The following MRPL4 variants were observed in gnomAD, a reference collection of about 807,000 sequenced individuals.
MRPL4 encodes the protein large ribosomal subunit protein uL4m.
In MRPL4, 34 loss-of-function variants were observed where a neutral mutation model predicts 34.1. The ratio of observed to expected loss-of-function variants is 1.00; its 90% CI spans 0.76 to 1.33. The LOEUF (loss-of-function observed/expected upper bound fraction) is 1.33, where lower values mean the gene tolerates loss of function less well. Among genes scored for constraint, MRPL4 ranks in the 40% most tolerant of loss-of-function variants. The pLI, the probability that MRPL4 is intolerant of heterozygous loss-of-function variation, is 0.00. For synonymous variants in MRPL4, 196 were observed against 188.3 expected, an observed-to-expected ratio of 1.04 and a Z score of -0.33; for missense variants, 402 against 434.6, an observed-to-expected ratio of 0.92 and a Z score of 0.67.
At chr19:10,254,446 G>T in intron 3 of MRPL4, 143 bp from the exon 4 acceptor site, 1 of 872,892 alleles carries the variant, frequency 1.1e-6, no homozygotes, top group Non-Finnish European at 1.8e-6. Flanking sequence ...CCCTGAGGCA[G>T]AATTTCAAGA....
rs35481360 is a variant in MRPL4 at position 10,259,098 on chromosome 19, C to CAAAAAAAAA, written c.739+432_739+440dup. Reference sequence around the variant, plus strand: ...TGGGGAGAGAGCTAGACTCTTGTCTCAAAAAAAAAAAAAAAAAAAAAAAAA... The same window carrying CAAAAAAAAA: ...TGGGGAGAGAGCTAGACTCTTGTCTCAAAAAAAAAAAAAAAAAAAAAAAAAAAAAAAAAA... On this transcript the variant is annotated intron_variant, in intron 8 of 8. Coordinates refer to ENST00000253099, the MANE Select transcript of MRPL4 (RefSeq NM_015956.3). 459 of 539,804 alleles carry CAAAAAAAAA rather than the reference C, an allele frequency of 8.5e-4. 9 individuals carry two copies. Among genetic ancestry groups the CAAAAAAAAA allele is most frequent in the South Asian group, 1.3e-3 (14 of 10,614 alleles). 33.4% of individuals were successfully genotyped at this position (539,804 alleles called of 1,614,324 possible).
intron 3 of MRPL4, chr19:10,253,020 A>C (rs2039810426): frequency 2.9e-6 from 1 of 340,750 alleles, no homozygotes; most frequent in Admixed American, 4.3e-5. Flanking sequence ...GTGATGAATA[A>C]ATGACTTAAT....
chr19:10,253,699 G>A (rs754165988), intron 3 of MRPL4, among the ~76,000 whole-genome samples: 2 of 151,780 alleles, frequency 1.3e-5, no homozygotes, highest in African/African-American at 2.4e-5. Flanking sequence ...GCTGAGGCAT[G>A]AGAATCGCTT....
intron 4 of MRPL4, 56 bp from the exon 5 acceptor site, chr19:10,256,652 C>T: frequency 6.7e-7 from 1 of 1,495,126 alleles, no homozygotes; most frequent in Non-Finnish European, 9.3e-7. Flanking sequence ...ACTGATCTGC[C>T]CGGCTCCCTG....
intron 5 of MRPL4, 141 bp from the exon 6 acceptor site, chr19:10,258,081 C>G (rs2039868112): frequency 3.2e-6 from 2 of 620,640 alleles, no homozygotes; most frequent in Non-Finnish European, 5.7e-6. Context: ...CCTGATCCAG[C>G]CTCCCCTGAG....
chr19:10,252,798 G>A, intron 3 of MRPL4, 97 bp downstream of exon 3: 1 of 1,467,978 alleles, frequency 6.8e-7, no homozygotes, highest in Non-Finnish European at 9.1e-7. Flanking sequence ...TTGGGAAAGT[G>A]CTGTATTTCT....
rs114409882 is a variant in MRPL4, at chr19:10,259,007, G to A, written c.739+322G>A. ...CCCAGCTACTCGGGGGCTGAGCCAG[G>A]CGGATAGCTTGAGCTCAGGGGGCCA... On this transcript the variant is annotated intron_variant, in intron 8 of 8. Transcript: ENST00000253099. 2,767 of 1,408,894 alleles carry A rather than the reference G, an allele frequency of 2.0e-3. 41 individuals carry two copies. In the African/African-American group the frequency reaches 0.037, roughly 19 times the overall value. The allele number at this position is 1,408,894 out of a possible 1,614,324, so 87.3% of individuals were successfully genotyped here.
chr19:10,259,401 T>G (rs1356218331), intron 8 of MRPL4: 2 of 1,404,876 alleles, frequency 1.4e-6, no homozygotes, highest in Non-Finnish European at 1.8e-6. Context: ...TGGCTCTCGG[T>G]CAGCAGGTGA....
intron 8 of MRPL4, chr19:10,259,221 G>T (rs1041894184): frequency 2.6e-6 from 3 of 1,166,402 alleles, no homozygotes; most frequent in African/African-American, 1.7e-5. Flanking sequence ...CTCAACCCAC[G>T]CCCCTCGCTG....
upstream of MRPL4, chr19:10,252,171 C>T (rs754287030): frequency 1.6e-4 from 225 of 1,437,952 alleles, no homozygotes; most frequent in Non-Finnish European, 1.2e-4. Context: ...GGTAGGGCGG[C>T]GTCGCGTGCG....
intron 5 of MRPL4, 127 bp from the exon 6 acceptor site, chr19:10,258,095 C>T (rs536016343): frequency 4.6e-6 from 3 of 656,078 alleles, no homozygotes; most frequent in East Asian, 2.7e-5. Flanking sequence ...CCCTGAGGCC[C>T]CACCCTCTCT....
chr19:10,259,501 C>A, intron 8 of MRPL4, 116 bp from the exon 9 acceptor site: 1 of 1,493,402 alleles, frequency 6.7e-7, no homozygotes, highest in Admixed American at 2.3e-5. Flanking sequence ...CACAAAGTCA[C>A]ACTAGACCAC....
rs770948484 is a variant in MRPL4, at chr19:10,252,229, C to CT, written c.-25_-24insT. 6.3e-7 allele frequency: 1 copy of CT among 1,585,420 alleles called. No homozygotes were observed. The highest frequency in any genetic ancestry group is 1.1e-5 in the South Asian group (1 of 89,594). On this transcript the variant is annotated 5_prime_UTR_variant, in exon 1 of 9. Coordinates refer to ENST00000253099, the MANE Select transcript of MRPL4 (RefSeq NM_015956.3). Reference sequence around the variant, plus strand: ...GCGAGGCTCCAGTGGCCTTGACCTCCCGCGGCGTGGGAGGCTGCGCGGCGA... The same window carrying CT: ...GCGAGGCTCCAGTGGCCTTGACCTCCTCGCGGCGTGGGAGGCTGCGCGGCGA...
chr19:10,259,098 C>CAAAAAAAAAAAAA lies in MRPL4; in HGVS notation c.739+428_739+440dup, dbSNP rs35481360. On this transcript the variant is annotated intron_variant, in intron 8 of 8. Coordinates refer to ENST00000253099, the MANE Select transcript of MRPL4 (RefSeq NM_015956.3). ...TGGGGAGAGAGCTAGACTCTTGTCT[C>CAAAAAAAAAAAAA]AAAAAAAAAAAAAAAAAAAAAAAAA... The CAAAAAAAAAAAAA allele has an allele frequency of 1.9e-4, 104 of 539,834 alleles. 3 individuals carry two copies. The highest frequency in any genetic ancestry group is 2.0e-4 in the Non-Finnish European group (96 of 477,518). 33.4% of individuals were successfully genotyped at this position (539,834 alleles called of 1,614,324 possible).
intron 4 of MRPL4, 22 bp downstream of exon 4, chr19:10,254,662 G>A (rs1240477752): frequency 1.2e-6 from 2 of 1,613,714 alleles, no homozygotes; most frequent in African/African-American, 1.3e-5. Context: ...AATGGAGCAA[G>A]GTGGTGGGAA....
chr19:10,252,960 CCCCTCTTGT>C, intron 3 of MRPL4: 1 of 478,562 alleles, frequency 2.1e-6, no homozygotes, highest in Non-Finnish European at 3.7e-6. Flanking sequence ...ATCCTGCCTT[CCCCTCTTGT>C]CCCTCAGTGT....
In MRPL4 at chr19:10,258,452, G is replaced by A. The variant is rs150980348; in HGVS notation, c.592G>A (p.Gly198Arg). 5.1e-5 allele frequency: 82 copies of A among 1,613,950 alleles called. No individual in the cohort carries two copies. Among genetic ancestry groups the A allele is most frequent in the African/African-American group, 2.8e-4 (21 of 74,980 alleles). Residue 198 changes from glycine (G) to arginine (R), a missense_variant, in exon 7 of 9, where the codon GGA becomes AGA. Coordinates refer to ENST00000253099, the MANE Select transcript of MRPL4 (RefSeq NM_015956.3). ...HIMDSLELPT[G>R]DPQYLTELAH... The stretch of plus-strand genomic sequence containing the variant: ...CATGGACTCCCTAGAGCTGCCCACC[G>A]GAGACCCACAGTACCTGACAGAGCT...
chr19:10,254,020 G>A (rs2039824985), intron 3 of MRPL4, among the ~76,000 whole-genome samples: 2 of 151,984 alleles, frequency 1.3e-5, no homozygotes, highest in Admixed American at 1.3e-4. Context: ...GGAAGAAGGG[G>A]TGGCTTTTTT....
intron 8 of MRPL4, 139 bp from the exon 9 acceptor site, chr19:10,259,478 G>A (rs779499279): frequency 1.2e-4 from 168 of 1,452,176 alleles, no homozygotes; most frequent in Middle Eastern, 5.0e-4. Context: ...GTCTGGCCCC[G>A]GGCTGCTGGG....
Sources: gnomAD v4.1 joint callset for allele counts (sites outside exome capture counted in the v4.1 genomes callset) on GRCh38, gnomAD v4.1.1 for gene constraint, MANE v1.5 for transcripts, NCBI Gene and HGNC (gene_info 2026-07-23, HGNC 2026-07-21) for gene names.